The following SRPK2 variants were observed in gnomAD, a reference collection of about 807,000 sequenced individuals.
SRPK2 encodes SFRS protein kinase 2.
Under a neutral mutation model 90.8 loss-of-function variants are expected in SRPK2, and 21 were observed. The ratio of observed to expected loss-of-function variants is 0.23; its 90% CI spans 0.16 to 0.33. The LOEUF (loss-of-function observed/expected upper bound fraction) is 0.33. Ranked by LOEUF, SRPK2 falls within the 10% of genes least tolerant of loss-of-function variation. The probability of loss-of-function intolerance (pLI) is 1.00; values close to 1 mark genes in which losing one functional copy is unlikely to be tolerated. For synonymous variants in SRPK2, 288 were observed against 311.1 expected (o/e 0.93, Z 0.78); for missense variants, 620 against 869.0 (o/e 0.71, Z 3.60).
intron 2 of SRPK2, 38 bp downstream of exon 2, chr7:105,388,610 G>A: frequency 1.3e-6 from 2 of 1,552,186 alleles, no homozygotes; most frequent in Non-Finnish European, 1.7e-6. Context: ...CCGACGGGGC[G>A]GGGGTGGGGA....
intron 2 of SRPK2, among the ~76,000 whole-genome samples, chr7:105,300,280 T>C (rs1249925666): frequency 7.0e-6 from 1 of 142,210 alleles, no homozygotes; most frequent in Non-Finnish European, 1.5e-5. Flanking sequence ...AAAAAAAAAG[T>C]ATATATATAC....
At chr7:105,320,745 T>C (rs984268414) in intron 2 of SRPK2, among the ~76,000 whole-genome samples, 3 of 152,142 alleles carry the variant, frequency 2.0e-5, no homozygotes, top group Admixed American at 2.0e-4. Flanking sequence ...GGTTGCAAAC[T>C]TTTTTTGTGA....
intron 3 of SRPK2, among the ~76,000 whole-genome samples, chr7:105,195,851 C>T (rs1480675918): frequency 6.6e-6 from 1 of 152,184 alleles, no homozygotes; most frequent in Non-Finnish European, 1.5e-5. Flanking sequence ...ATTCAGCAGG[C>T]CACAGATTGT....
intron 2 of SRPK2, among the ~76,000 whole-genome samples, chr7:105,338,555 C>T (rs1815391687): frequency 6.6e-6 from 1 of 152,172 alleles, no homozygotes; most frequent in Non-Finnish European, 1.5e-5. Context: ...CTGTGCCCCG[C>T]AGATTTTTAA....
intron 7 of SRPK2, among the ~76,000 whole-genome samples, chr7:105,159,448 C>CAAAAAAAAAA (rs765544583): frequency 8.2e-4 from 27 of 33,108 alleles, no homozygotes; most frequent in South Asian, 3.2e-3. Context: ...ACTCCGTCTC[C>CAAAAAAAAAA]AAAAAAAAAA....
chr7:105,167,962 A>T, intron 5 of SRPK2, 46 bp downstream of exon 5: 1 of 1,451,766 alleles, frequency 6.9e-7, no homozygotes, highest in Admixed American at 2.2e-5. Context: ...GTAAAATTTT[A>T]AGTCATTAAG....
chr7:105,204,603 A>T, intron 2 of SRPK2: 1 of 575,314 alleles, frequency 1.7e-6, no homozygotes, highest in South Asian at 1.6e-5. Flanking sequence ...GCTGAAGATG[A>T]CGGCTGCTGT....
chr7:105,179,769 G>A (rs1792496302), intron 3 of SRPK2, among the ~76,000 whole-genome samples: 1 of 135,946 alleles, frequency 7.4e-6, no homozygotes, highest in African/African-American at 2.7e-5. Context: ...AGGTTGCAGT[G>A]AGCTGAGATT....
intron 2 of SRPK2, among the ~76,000 whole-genome samples, chr7:105,368,233 C>T (rs1819299385): frequency 6.6e-6 from 1 of 152,040 alleles, no homozygotes; most frequent in South Asian, 2.1e-4. Context: ...GGCCTTATTG[C>T]TTTTTTAGAA....
chr7:105,322,596 C>T (rs1264398311), intron 2 of SRPK2, among the ~76,000 whole-genome samples: 1 of 152,020 alleles, frequency 6.6e-6, no homozygotes, highest in Non-Finnish European at 1.5e-5. Flanking sequence ...TAGGGAGCAG[C>T]TGCTTAATGG....
At chr7:105,191,353 T>C (rs954661519) in intron 3 of SRPK2, among the ~76,000 whole-genome samples, 3 of 152,094 alleles carry the variant, frequency 2.0e-5, no homozygotes, top group African/African-American at 7.2e-5. Context: ...AGGAGATTCC[T>C]TGAGCTCAGG....
chr7:105,160,974 G>C (rs1807535253), intron 6 of SRPK2, among the ~76,000 whole-genome samples: 1 of 151,734 alleles, frequency 6.6e-6, no homozygotes, highest in Non-Finnish European at 1.5e-5. Context: ...CTGTCGCCCA[G>C]GAGTGCAGTG....
intron 3 of SRPK2, among the ~76,000 whole-genome samples, chr7:105,194,092 T>C (rs1270742110): frequency 6.6e-6 from 1 of 152,320 alleles, no homozygotes; most frequent in South Asian, 2.1e-4. Flanking sequence ...GTTTTTAATT[T>C]TGATTAAGTC....
In SRPK2 at chr7:105,252,103, G is replaced by A. The variant is rs540883108; in HGVS notation, c.72-48318C>T. ...ATAACACCAGGCAAGTAATATGATG[G>A]CAGATAACTGAATATTTTTCTCCTT... On this transcript the variant is annotated intron_variant, in intron 2 of 15. Coordinates refer to ENST00000393651, the MANE Select transcript of SRPK2 (RefSeq NM_182692.3). Among the ~76,000 whole-genome samples, 68 of 152,280 alleles carry A rather than the reference G, an allele frequency of 4.5e-4. 1 individual carries two copies. The South Asian group carries it at 0.013, about 29-fold the overall frequency.
At position 105,210,559 on chromosome 7, in the gene SRPK2, C is replaced by G. The variant is rs561206021; in HGVS notation, c.72-6774G>C. Reference sequence around the variant, plus strand: ...TTCCTCTTTAATGAAAGGTTAAGTTCAAAAACTTTGTGTAAATCAAACCTA... The same window carrying G: ...TTCCTCTTTAATGAAAGGTTAAGTTGAAAAACTTTGTGTAAATCAAACCTA... On this transcript the variant is annotated intron_variant, in intron 2 of 15. Coordinates refer to ENST00000393651, the MANE Select transcript of SRPK2 (RefSeq NM_182692.3). Among the ~76,000 whole-genome samples the G allele has an allele frequency of 2.0e-5, 3 of 152,264 alleles. No homozygotes were observed. The South Asian group carries it at 6.2e-4, about 32-fold the overall frequency.
Position 105,167,310 on chromosome 7 carries a change from T to C in SRPK2, c.514+67A>G, listed in dbSNP as rs73715406. ...GTGATACAGCAGTAAACAGAGATTA[T>C]AGGAGCTTGAAATATTTTCATTTTT... On this transcript the variant is annotated intron_variant, in intron 6 of 15. Transcript: ENST00000393651. The C allele has an allele frequency of 2.2e-3, 2,896 of 1,337,458 alleles. 37 individuals are homozygous for C. The African/African-American group carries it at 0.037, about 17-fold the overall frequency. 82.8% of individuals were successfully genotyped at this position (1,337,458 alleles called of 1,614,324 possible).
At chr7:105,389,749 A>G (rs555073035), upstream of SRPK2, among the ~76,000 whole-genome samples, 1 of 152,230 alleles carries the variant, frequency 6.6e-6, no homozygotes, top group Non-Finnish European at 1.5e-5. Flanking sequence ...GGCTGCCTAC[A>G]AAAGATGTGA....
At chr7:105,319,501 C>T (rs1426626786) in intron 2 of SRPK2, among the ~76,000 whole-genome samples, 2 of 1,204 alleles carry the variant, frequency 1.7e-3, no homozygotes, top group African/African-American at 7.3e-3. Flanking sequence ...AATGCACTTG[C>T]GGCGGGGGGG....
intron 2 of SRPK2, among the ~76,000 whole-genome samples, chr7:105,342,121 T>C (rs556015957): frequency 1.3e-5 from 2 of 150,626 alleles, no homozygotes; most frequent in Non-Finnish European, 2.9e-5. Context: ...AAAAATTAGC[T>C]GGGCATGGTG....
Sources: gnomAD v4.1 joint callset for allele counts (sites outside exome capture counted in the v4.1 genomes callset) on GRCh38, gnomAD v4.1.1 for gene constraint, MANE v1.5 for transcripts, NCBI Gene and HGNC (gene_info 2026-07-23, HGNC 2026-07-21) for gene names.